Variants in IQCE observed in about 807,000 individuals in gnomAD.
IQCE encodes the protein IQ domain-containing protein E.
Under a neutral mutation model 96.0 loss-of-function variants are expected in IQCE, and 115 were observed. That is an observed-to-expected ratio of 1.20 (90% CI 1.03 to 1.40). The LOEUF is 1.40. Among genes scored for constraint, IQCE ranks in the 40% most tolerant of loss-of-function variants. The pLI is 0.00. For synonymous variants in IQCE, 412 were observed against 371.2 expected, an observed-to-expected ratio of 1.11 and a Z score of -1.26; for missense variants, 1,041 against 909.1, an observed-to-expected ratio of 1.15 and a Z score of -1.87.
At chr7:2,575,855 C>T (rs1336073665) in intron 6 of IQCE, among the ~76,000 whole-genome samples, 1 of 152,174 alleles carries the variant, frequency 6.6e-6, no homozygotes, top group Non-Finnish European at 1.5e-5. Flanking sequence ...CCCCCCGGCT[C>T]CCGGCCCATC....
intron 6 of IQCE, 32 bp from the exon 7 acceptor site, chr7:2,578,210 G>A: frequency 1.3e-6 from 2 of 1,525,666 alleles, no homozygotes; most frequent in Non-Finnish European, 1.8e-6. Flanking sequence ...AGCTTCGTGT[G>A]GATGGCTGTG....
At chr7:2,591,193 C>T (rs1156356674) in intron 14 of IQCE, among the ~76,000 whole-genome samples, 1 of 152,006 alleles carries the variant, frequency 6.6e-6, no homozygotes, top group African/African-American at 2.4e-5. Context: ...GTCGAGGCTG[C>T]CGTGAGCTAT....
intron 16 of IQCE, 169 bp from the exon 17 acceptor site, chr7:2,598,296 G>A (rs889216365): frequency 2.4e-5 from 14 of 591,792 alleles, no homozygotes; most frequent in African/African-American, 5.7e-5. Context: ...ACAAGAGACC[G>A]CTGTCATGTG....
chr7:2,594,309 G>A (rs1426898883), intron 15 of IQCE, among the ~76,000 whole-genome samples: 1 of 152,236 alleles, frequency 6.6e-6, no homozygotes, highest in Non-Finnish European at 1.5e-5. Context: ...AAATCTGACT[G>A]AATTCTGTCA....
At chr7:2,583,787 CGGCGGGGCGG>C in intron 10 of IQCE, 78 bp downstream of exon 10, 1 of 12,754 alleles carries the variant, frequency 7.8e-5, no homozygotes, top group Non-Finnish European at 1.8e-4. Flanking sequence ...CCGAGCTGGG[CGGCGGGGCGG>C]AGGGCGGGCA....
At chr7:2,578,590 A>C in intron 8 of IQCE, 64 bp downstream of exon 8, 1 of 1,563,780 alleles carries the variant, frequency 6.4e-7, no homozygotes, top group Non-Finnish European at 8.8e-7. Context: ...ACAGCCACAG[A>C]GGGACGCCTT....
intron 16 of IQCE, chr7:2,597,221 C>T (rs947535171): frequency 4.5e-6 from 2 of 439,726 alleles, no homozygotes; most frequent in Non-Finnish European, 9.5e-6. Flanking sequence ...TTCAGCTGTC[C>T]CGCACCTGGC....
At position 2,598,540 on chromosome 7, in the gene IQCE, G is replaced by A. The variant is rs1784219032; in HGVS notation, c.1516G>A (p.Gly506Arg). ...CTGGCCGCCGGATTCCAGCGAGGAG[G>A]GGCTCCCGCGGCCCCGCTCCCCCTG... ...QDWPPDSSEEGLPRPRSPCSD... is the reference protein window; with the variant it reads ...QDWPPDSSEERLPRPRSPCSD... Residue 506 changes from glycine to arginine, a missense_variant, in exon 17 of 22, where the codon GGG becomes AGG. By Grantham distance (125) the Gly-to-Arg change is moderately radical (BLOSUM62 -2). Coordinates refer to ENST00000402050, the MANE Select transcript of IQCE (RefSeq NM_152558.5). 2 of 1,611,018 alleles carry A rather than the reference G, an allele frequency of 1.2e-6. No individual in the cohort carries two copies. Among genetic ancestry groups the A allele is most frequent in the Non-Finnish European group, 1.7e-6 (2 of 1,178,794 alleles).
chr7:2,572,715 C>CT, intron 5 of IQCE: 1 of 460,964 alleles, frequency 2.2e-6, no homozygotes, highest in African/African-American at 2.0e-5. Flanking sequence ...CCTGCCTAGT[C>CT]TCTTTTTTTT....
At chr7:2,590,379 CTG>C (rs1251910248) in intron 14 of IQCE, among the ~76,000 whole-genome samples, 1 of 152,230 alleles carries the variant, frequency 6.6e-6, no homozygotes, top group Non-Finnish European at 1.5e-5. Context: ...ATTTGGAAAA[CTG>C]TTCAGCTCGT....
chr7:2,596,497 T>C (rs1475968511), intron 16 of IQCE, among the ~76,000 whole-genome samples: 1 of 152,090 alleles, frequency 6.6e-6, no homozygotes. Context: ...AGGAAACATT[T>C]CTATTTTAGA....
intron 3 of IQCE, among the ~76,000 whole-genome samples, chr7:2,570,537 C>T (rs543276511): frequency 1.8e-4 from 27 of 151,822 alleles, no homozygotes; most frequent in African/African-American, 6.1e-4. Flanking sequence ...TTCACAGTTA[C>T]GGTGGCGAAT....
At chr7:2,597,396 G>A (rs1218482167) in intron 16 of IQCE, among the ~76,000 whole-genome samples, 1 of 152,266 alleles carries the variant, frequency 6.6e-6, no homozygotes, top group Admixed American at 6.5e-5. Context: ...GGGCAGCAAG[G>A]CCCCAGATGC....
At chr7:2,581,004 C>T (rs943658106) in intron 8 of IQCE, among the ~76,000 whole-genome samples, 2 of 151,910 alleles carry the variant, frequency 1.3e-5, no homozygotes, top group Non-Finnish European at 2.9e-5. Flanking sequence ...CCACCATGCC[C>T]GGCTAATTTT....
intron 8 of IQCE, among the ~76,000 whole-genome samples, chr7:2,579,483 CA>C (rs1177685221): frequency 6.6e-6 from 1 of 151,408 alleles, no homozygotes; most frequent in South Asian, 2.1e-4. Context: ...TTAGAAAATA[CA>C]AAAAAAACTA....
rs369623908 is a variant in IQCE, at chr7:2,608,584, G to T, written c.1969+1357G>T. Among the ~76,000 whole-genome samples, 20 of 152,288 alleles carry T rather than the reference G, an allele frequency of 1.3e-4. No individual in the cohort carries two copies. The South Asian group carries it at 3.9e-3, about 30-fold the overall frequency. ...GAATGTACAGACACGCAAAGCGGTC[G>T]GGCCGGCCTGTGACTCGTGGGCTCT... is the stretch of plus-strand genomic sequence containing the variant. On this transcript the variant is annotated intron_variant, in intron 21 of 21. Coordinates refer to ENST00000402050, the MANE Select transcript of IQCE (RefSeq NM_152558.5).
chr7:2,582,563 G>T lies in IQCE; in HGVS notation c.631-17G>T. The T allele has an allele frequency of 6.2e-7, 1 of 1,612,776 alleles. No homozygotes were observed. The highest frequency in any genetic ancestry group is 8.5e-7 in the Non-Finnish European group (1 of 1,179,148). On this transcript the variant is annotated splice_polypyrimidine_tract_variant and intron_variant, in intron 8 of 21. Transcript: ENST00000402050. ...AGAGAGGGCGTGGCCTGCCTGATGGGCACGTTCCCCGGGCAGGTCATTAAC... is the reference window on the plus strand; with the variant it reads ...AGAGAGGGCGTGGCCTGCCTGATGGTCACGTTCCCCGGGCAGGTCATTAAC...
chr7:2,607,312 G>A (rs780261517), intron 21 of IQCE, 85 bp downstream of exon 21: 17 of 1,577,444 alleles, frequency 1.1e-5, no homozygotes, highest in Middle Eastern at 1.7e-4. Context: ...CAGGAAGCCC[G>A]GGCTGTGTCG....
chr7:2,584,457 A>G (rs971234571), intron 11 of IQCE, 172 bp downstream of exon 11: 13 of 700,790 alleles, frequency 1.9e-5, no homozygotes, highest in African/African-American at 1.7e-4. Context: ...TTCCATTTGC[A>G]GTGTTCACAG....
Sources: allele counts gnomAD v4.1 joint callset (sites outside exome capture counted in the v4.1 genomes callset), GRCh38; gene constraint gnomAD v4.1.1; transcripts MANE v1.5; gene names NCBI Gene and HGNC (gene_info 2026-07-23, HGNC 2026-07-21).